The following KCNT2 variants were observed in gnomAD, a reference collection of about 807,000 sequenced individuals.
KCNT2 encodes potassium channel subfamily T member 2.
Under a neutral mutation model 153.8 loss-of-function variants are expected in KCNT2, and 67 were observed. The observed-to-expected ratio is 0.44, with a 90% CI of 0.36 to 0.53. The LOEUF is 0.53. KCNT2 is among the 20% of genes least tolerant of loss of function. KCNT2 has a pLI of 0.00. For synonymous variants in KCNT2, 500 were observed against 458.8 expected (o/e 1.09, Z -1.15); for missense variants, 975 against 1,354.8 (o/e 0.72, Z 4.40).
chr1:196,366,507 T>C (rs1293024204), intron 14 of KCNT2, among the ~76,000 whole-genome samples: 1 of 152,108 alleles, frequency 6.6e-6, no homozygotes, highest in Non-Finnish European at 1.5e-5. Flanking sequence ...TGCTTGCATC[T>C]CAGAGTCTCT....
At chr1:196,357,874 G>C (rs1182119286) in intron 14 of KCNT2, among the ~76,000 whole-genome samples, 1 of 151,808 alleles carries the variant, frequency 6.6e-6, no homozygotes, top group Non-Finnish European at 1.5e-5. Context: ...GGGTAGTCTT[G>C]TCTAAAGTTT....
intron 1 of KCNT2, among the ~76,000 whole-genome samples, chr1:196,520,762 T>G (rs778601943): frequency 1.3e-5 from 2 of 152,166 alleles, no homozygotes; most frequent in African/African-American, 4.8e-5. Flanking sequence ...AGATTGAAAC[T>G]GGACACATTT....
chr1:196,577,697 C>A (rs751452363), intron 1 of KCNT2, among the ~76,000 whole-genome samples: 1 of 152,128 alleles, frequency 6.6e-6, no homozygotes, highest in Non-Finnish European at 1.5e-5. Context: ...TGGTTAGAGT[C>A]CTCACAAGGG....
chr1:196,466,067 C>A (rs1429432662), intron 7 of KCNT2, among the ~76,000 whole-genome samples: 1 of 151,800 alleles, frequency 6.6e-6, no homozygotes, highest in Non-Finnish European at 1.5e-5. Context: ...AAAGCAAATA[C>A]AAGTTTAGCA....
chr1:196,290,700 A>G (rs1660112195), intron 22 of KCNT2, among the ~76,000 whole-genome samples: 1 of 151,936 alleles, frequency 6.6e-6, no homozygotes, highest in African/African-American at 2.4e-5. Context: ...TTATCTCACT[A>G]AGGTCAGTTA....
intron 22 of KCNT2, among the ~76,000 whole-genome samples, chr1:196,292,571 C>T (rs924586438): frequency 3.3e-5 from 5 of 152,104 alleles, no homozygotes; most frequent in African/African-American, 1.2e-4. Flanking sequence ...CTTTGGGAGG[C>T]CGAGGCGGGC....
chr1:196,430,115 CTT>C (rs1010881863), intron 8 of KCNT2, among the ~76,000 whole-genome samples: 3 of 150,650 alleles, frequency 2.0e-5, no homozygotes, highest in East Asian at 3.9e-4. Context: ...TTTTCTTTTT[CTT>C]TTTTTTTATA....
chr1:196,290,477 G>A (rs999899468), intron 22 of KCNT2, among the ~76,000 whole-genome samples: 1 of 151,342 alleles, frequency 6.6e-6, no homozygotes, highest in Non-Finnish European at 1.5e-5. Flanking sequence ...CATTTCTTAA[G>A]GCTTTACAAT....
At chr1:196,240,235 C>T (rs2102253014) in intron 26 of KCNT2, among the ~76,000 whole-genome samples, 1 of 152,108 alleles carries the variant, frequency 6.6e-6, no homozygotes, top group African/African-American at 2.4e-5. Context: ...AATTATGGAT[C>T]TGCCAATTGC....
intron 1 of KCNT2, among the ~76,000 whole-genome samples, chr1:196,547,222 G>A (rs1318058338): frequency 6.6e-6 from 1 of 151,880 alleles, no homozygotes; most frequent in Non-Finnish European, 1.5e-5. Flanking sequence ...GGATGCTCAG[G>A]GTGGGAGATA....
At chr1:196,293,473 A>G (rs1426638764) in intron 22 of KCNT2, among the ~76,000 whole-genome samples, 2 of 152,208 alleles carry the variant, frequency 1.3e-5, no homozygotes, top group Admixed American at 6.5e-5. Context: ...CCAATAGAAC[A>G]GGATAAAGAG....
rs148242512 is a variant in KCNT2, at chr1:196,603,798, C to T, written c.95+4417G>A. ...GCTACAACTGAGGATTTTCCATTAA[C>T]AGTAGTTGGAATTGTGACAATTTAT... is the stretch of plus-strand genomic sequence containing the variant. On this transcript the variant is annotated intron_variant, in intron 1 of 27. Transcript: ENST00000294725. Among the ~76,000 whole-genome samples the T allele has an allele frequency of 1.8e-3, 268 of 152,284 alleles. 1 individual carries two copies. The highest frequency in any genetic ancestry group is 2.7e-3 in the Non-Finnish European group (181 of 68,030).
At chr1:196,303,266 C>T (rs894311777) in intron 22 of KCNT2, among the ~76,000 whole-genome samples, 2 of 152,126 alleles carry the variant, frequency 1.3e-5, no homozygotes, top group Non-Finnish European at 2.9e-5. Flanking sequence ...AGGAAGGCAA[C>T]TTGTGTCTCT....
At chr1:196,359,775 A>G (rs1667467113) in intron 14 of KCNT2, among the ~76,000 whole-genome samples, 1 of 152,040 alleles carries the variant, frequency 6.6e-6, no homozygotes, top group South Asian at 2.1e-4. Context: ...CCTTCTAGGA[A>G]GGCAGAGGAA....
At chr1:196,245,560 A>G (rs1655365707) in intron 26 of KCNT2, among the ~76,000 whole-genome samples, 1 of 152,212 alleles carries the variant, frequency 6.6e-6, no homozygotes, top group South Asian at 2.1e-4. Context: ...CAGATATTTG[A>G]TTGTTTAGAT....
chr1:196,371,969 T>C (rs1263365220), intron 14 of KCNT2, among the ~76,000 whole-genome samples: 4 of 152,218 alleles, frequency 2.6e-5, no homozygotes, highest in African/African-American at 9.6e-5. Context: ...TGATGAGTTC[T>C]ATGAATGTTC....
At chr1:196,442,853 G>A (rs1414079244) in intron 8 of KCNT2, among the ~76,000 whole-genome samples, 12 of 151,742 alleles carry the variant, frequency 7.9e-5, no homozygotes, top group African/African-American at 2.9e-4. Context: ...CAAGTATTAA[G>A]TATATGGTAA....
Position 196,227,177 on chromosome 1 carries a change from A to T in KCNT2, c.*1047T>A, listed in dbSNP as rs1653552936. ...ATACGATTTCAAAATTAAGTCAAAAATTTTAATACATCCTTCATTGAGTGT... is the reference window on the plus strand; with the variant it reads ...ATACGATTTCAAAATTAAGTCAAAATTTTTAATACATCCTTCATTGAGTGT... On this transcript the variant is annotated 3_prime_UTR_variant, in exon 28 of 28. Transcript: ENST00000294725. 6.6e-6 allele frequency: 1 copy of T among 152,044 alleles called. No homozygotes were observed. The highest frequency in any genetic ancestry group is 1.5e-5 in the Non-Finnish European group (1 of 67,884). 9.4% of individuals were successfully genotyped at this position (152,044 alleles called of 1,614,324 possible).
chr1:196,538,458 ACT>A (rs1441782515), intron 1 of KCNT2, among the ~76,000 whole-genome samples: 2 of 151,684 alleles, frequency 1.3e-5, no homozygotes, highest in Non-Finnish European at 2.9e-5. Flanking sequence ...CATAGCTTTT[ACT>A]CTCTCTGTGT....
Sources: allele counts gnomAD v4.1 joint callset (sites outside exome capture counted in the v4.1 genomes callset), GRCh38; gene constraint gnomAD v4.1.1; transcripts MANE v1.5; gene names NCBI Gene and HGNC (gene_info 2026-07-23, HGNC 2026-07-21).